ATAD5: variants seen among roughly 807,000 people sequenced by gnomAD.
The protein encoded by ATAD5 is ATPase family AAA domain-containing protein 5.
In ATAD5, 58 loss-of-function variants were observed where a neutral mutation model predicts 176.9. That is an observed-to-expected ratio of 0.33 (90% confidence interval 0.27 to 0.41). The LOEUF is 0.41. Ranked by LOEUF, ATAD5 falls within the 10% of genes least tolerant of loss-of-function variation. The pLI is 1.00. For missense variants in ATAD5, 1,789 were observed against 2,094.1 expected (o/e 0.85, Z 2.84); for synonymous variants, 640 against 712.6 (o/e 0.90, Z 1.62).
At chr17:30,837,695 G>A (rs1166959485) in intron 3 of ATAD5, among the ~76,000 whole-genome samples, 3 of 152,274 alleles carry the variant, frequency 2.0e-5, no homozygotes, top group East Asian at 1.9e-4. Context: ...AGAAATGCAC[G>A]ATCAAAGCAT....
intron 6 of ATAD5, among the ~76,000 whole-genome samples, chr17:30,845,287 A>T (rs566051420): frequency 1.1e-4 from 16 of 152,334 alleles, no homozygotes; most frequent in African/African-American, 3.6e-4. Flanking sequence ...TGGAGATGGA[A>T]GATGGTCTAT....
intron 19 of ATAD5, among the ~76,000 whole-genome samples, chr17:30,889,020 A>G (rs1909475487): frequency 6.6e-6 from 1 of 150,898 alleles, no homozygotes; most frequent in South Asian, 2.1e-4. Flanking sequence ...AGATCGCACC[A>G]CTGCATTCCA....
At chr17:30,851,848 C>G (rs1033508704) in intron 6 of ATAD5, among the ~76,000 whole-genome samples, 4 of 152,146 alleles carry the variant, frequency 2.6e-5, no homozygotes, top group Non-Finnish European at 5.9e-5. Flanking sequence ...TTCTAAAGTG[C>G]TGGGATTACA....
chr17:30,876,891 A>G (rs995370026), intron 15 of ATAD5, among the ~76,000 whole-genome samples: 1 of 150,608 alleles, frequency 6.6e-6, no homozygotes, highest in African/African-American at 2.4e-5. Flanking sequence ...TAATTTTTGT[A>G]TTTTTAGTAG....
chr17:30,892,926 C>A, intron 20 of ATAD5, 138 bp downstream of exon 20: 1 of 712,062 alleles, frequency 1.4e-6, no homozygotes, highest in Non-Finnish European at 2.2e-6. Flanking sequence ...CTGATTTTAA[C>A]ACATCCTACC....
At chr17:30,887,058 C>A (rs1444101531) in intron 18 of ATAD5, 134 bp from the exon 19 acceptor site, 1 of 627,178 alleles carries the variant, frequency 1.6e-6, no homozygotes, top group Non-Finnish European at 2.6e-6. Context: ...AAAGCAGTTT[C>A]ATCCTCAAGA....
Position 30,894,842 on chromosome 17 carries a change from C to T in ATAD5, c.5464C>T (p.His1822Tyr). ...TCTTTGTAATTTTGACAGATTCCTG[C>T]ACTATTTTGAAGGAATTCATCTTGA... ...EQGKSKRRFL[H>Y]YFEGIHLDIP... The change falls in exon 23 of 23, where the codon CAC becomes TAC. Residue 1822 changes from histidine to tyrosine, a missense_variant. His to Tyr is a moderately conservative substitution (Grantham distance 83). Around this residue, in one of 6 missense-constraint regions of ATAD5, gnomAD observed 403 missense variants for 495.1 expected, o/e 0.81. Transcript: ENST00000321990. 1 of 1,587,856 alleles carries T rather than the reference C, an allele frequency of 6.3e-7. No individual in the cohort carries two copies. Among genetic ancestry groups the T allele is most frequent in the Non-Finnish European group, 8.5e-7 (1 of 1,172,578 alleles).
At position 30,835,005 on chromosome 17, in the gene ATAD5, A is replaced by G; in HGVS notation, c.924A>G (p.Ser308=). 6.2e-7 allele frequency: 1 copy of G among 1,614,068 alleles called. No homozygotes were observed. Among genetic ancestry groups the G allele is most frequent in the South Asian group, 1.1e-5 (1 of 91,044 alleles). ...TCAAAAGTGGTTATATAAGTGAATC[A>G]GAAAACTCCGAAATTTCCCAGCAGG... ...EIVKSGYISE[S]ENSEISQQVR... is the part of the protein sequence containing the mutation. The change falls in exon 2 of 23, where the codon TCA becomes TCG. Residue 308 remains serine, a synonymous_variant. Coordinates refer to ENST00000321990, the MANE Select transcript of ATAD5 (RefSeq NM_024857.5).
chr17:30,852,140 T>G (rs1007820997), intron 6 of ATAD5, among the ~76,000 whole-genome samples: 1 of 152,236 alleles, frequency 6.6e-6, no homozygotes, highest in African/African-American at 2.4e-5. Flanking sequence ...CTTTTTTGTC[T>G]CCTCAGTTTA....
intron 11 of ATAD5, 115 bp from the exon 12 acceptor site, chr17:30,868,218 C>A: frequency 1.3e-6 from 1 of 751,998 alleles, no homozygotes; most frequent in Non-Finnish European, 1.9e-6. Flanking sequence ...AGTTGAATGG[C>A]CAGTGGCAGA....
chr17:30,884,165 C>CTT (rs1000973914), intron 18 of ATAD5, among the ~76,000 whole-genome samples: 3 of 141,736 alleles, frequency 2.1e-5, no homozygotes, highest in African/African-American at 5.1e-5. Context: ...TTGTGACCGG[C>CTT]TTTTTTTTTT....
At chr17:30,840,207 A>C (rs1039102382) in intron 3 of ATAD5, among the ~76,000 whole-genome samples, 9 of 149,292 alleles carry the variant, frequency 6.0e-5, no homozygotes, top group African/African-American at 1.8e-4. Flanking sequence ...AAAAAAAAAA[A>C]AAAAAAAAAA....
intron 8 of ATAD5, 25 bp downstream of exon 8, chr17:30,857,137 T>C (rs1220130961): frequency 1.9e-6 from 3 of 1,589,782 alleles, no homozygotes; most frequent in Non-Finnish European, 2.6e-6. Context: ...GTTCATCCAT[T>C]GTAGAGTGTT....
At chr17:30,876,055 T>G (rs1908649162) in intron 14 of ATAD5, among the ~76,000 whole-genome samples, 1 of 151,744 alleles carries the variant, frequency 6.6e-6, no homozygotes, top group African/African-American at 2.4e-5. Context: ...GAGAATGGCG[T>G]GAACCCAGGA....
intron 6 of ATAD5, among the ~76,000 whole-genome samples, chr17:30,849,376 G>A (rs1003635750): frequency 1.3e-5 from 2 of 152,176 alleles, no homozygotes; most frequent in Non-Finnish European, 2.9e-5. Context: ...GGACTCAAAC[G>A]TGCACCGCTG....
At chr17:30,892,082 G>C (rs1465458457) in intron 19 of ATAD5, among the ~76,000 whole-genome samples, 1 of 151,876 alleles carries the variant, frequency 6.6e-6, no homozygotes, top group Non-Finnish European at 1.5e-5. Context: ...CTGTTGGATG[G>C]CTTTGAAAGT....
intron 14 of ATAD5, among the ~76,000 whole-genome samples, chr17:30,875,128 T>C (rs1332620078): frequency 6.6e-6 from 1 of 152,056 alleles, no homozygotes; most frequent in African/African-American, 2.4e-5. Context: ...GACACAGATA[T>C]GGAACTGTGA....
Position 30,893,696 on chromosome 17 carries a change from G to A in ATAD5, c.4843G>A (p.Asp1615Asn). The part of the protein sequence containing the change: ...KTGDEESKAR[D>N]KGNNPETKKS... ...CGGAGACGAAGAAAGCAAAGCCAGAGACAAAGGAAACAATCCAGAGACAAA... is the reference window on the plus strand; with the variant it reads ...CGGAGACGAAGAAAGCAAAGCCAGAAACAAAGGAAACAATCCAGAGACAAA... Residue 1615 changes from aspartate to asparagine, a missense_variant, in exon 21 of 23, where the codon GAC (aspartate) becomes AAC (asparagine). Physicochemically the swap from Asp to Asn is conservative, Grantham distance 23. This residue lies in a region of ATAD5 where 403 missense variants were observed against 495.1 expected (regional missense o/e 0.81). Transcript: ENST00000321990. The A allele has an allele frequency of 6.2e-7, 1 of 1,613,508 alleles. No homozygotes were observed. The highest frequency in any genetic ancestry group is 8.5e-7 in the Non-Finnish European group (1 of 1,179,778).
chr17:30,836,469 C>T (rs1369714564), intron 2 of ATAD5, among the ~76,000 whole-genome samples: 3 of 152,040 alleles, frequency 2.0e-5, no homozygotes, highest in Non-Finnish European at 2.9e-5. Flanking sequence ...TGAGCCACTG[C>T]GCCCGGCCTG....
Sources: allele counts gnomAD v4.1 joint callset (sites outside exome capture counted in the v4.1 genomes callset), GRCh38; gene constraint gnomAD v4.1.1; regional missense constraint gnomAD v4.1.1; transcripts MANE v1.5; gene names NCBI Gene and HGNC (gene_info 2026-07-23, HGNC 2026-07-21).